CFAP221: variants seen among roughly 807,000 people sequenced by gnomAD.
CFAP221 encodes the protein cilia and flagella associated protein 221.
In CFAP221, 97 loss-of-function variants were observed where a neutral mutation model predicts 113.1. The observed-to-expected ratio is 0.86, with a 90% CI of 0.73 to 1.02. CFAP221 has a LOEUF of 1.02. Among genes scored for constraint, CFAP221 ranks in the 50% least tolerant of loss-of-function variants. CFAP221 has a pLI of 0.00. For missense variants in CFAP221, 1,025 were observed against 1,013.4 expected (o/e 1.01, Z -0.16); for synonymous variants, 331 against 354.4 (o/e 0.93, Z 0.74).
intron 7 of CFAP221, among the ~76,000 whole-genome samples, chr2:119,593,366 T>G (rs547648548): frequency 5.3e-5 from 8 of 152,326 alleles, no homozygotes; most frequent in African/African-American, 1.9e-4. Context: ...GGTAATTTAT[T>G]TTTTAAAAAA....
chr2:119,635,702 A>G (rs1687069986), intron 19 of CFAP221, among the ~76,000 whole-genome samples: 1 of 152,234 alleles, frequency 6.6e-6, no homozygotes, highest in Admixed American at 6.5e-5. Flanking sequence ...TCAGTACAGC[A>G]GTAAAAGTAG....
chr2:119,601,716 A>G (rs1684380905), intron 8 of CFAP221: 2 of 190,872 alleles, frequency 1.0e-5, no homozygotes, highest in African/African-American at 2.3e-5. Flanking sequence ...CCAGAACAAC[A>G]TAACTGTTTT....
Position 119,647,060 on chromosome 2 carries a change from T to C in CFAP221, c.2318+10T>C, listed in dbSNP as rs2104806886. The C allele has an allele frequency of 1.2e-6, 2 of 1,601,034 alleles. No individual in the cohort carries two copies. The highest frequency in any genetic ancestry group is 1.7e-6 in the Non-Finnish European group (2 of 1,174,260). On this transcript the variant is annotated intron_variant, in intron 22 of 23. Transcript: ENST00000413369. ...TAGAAACAGTAGAACGGTATTTTTT[T>C]TTTTTTTAATCTTTGGCCTCTAATG...
intron 7 of CFAP221, among the ~76,000 whole-genome samples, chr2:119,599,680 C>T (rs1684232259): frequency 6.6e-6 from 1 of 152,196 alleles, no homozygotes; most frequent in Non-Finnish European, 1.5e-5. Flanking sequence ...CCCACCTCTC[C>T]TCACAAGGGG....
At chr2:119,553,485 T>C (rs547537933) in intron 3 of CFAP221, among the ~76,000 whole-genome samples, 15 of 152,296 alleles carry the variant, frequency 9.8e-5, no homozygotes, top group Admixed American at 5.2e-4. Context: ...TTGAGGAAGA[T>C]CAACTTAGTG....
chr2:119,651,447 G>A (rs1387089073), intron 22 of CFAP221, among the ~76,000 whole-genome samples: 2 of 150,372 alleles, frequency 1.3e-5, no homozygotes, highest in Non-Finnish European at 2.9e-5. Context: ...TAGAGAAAAA[G>A]TTTACTGACC....
chr2:119,640,808 G>A (rs879827903), intron 21 of CFAP221, among the ~76,000 whole-genome samples: 3 of 152,152 alleles, frequency 2.0e-5, no homozygotes, highest in Non-Finnish European at 2.9e-5. Context: ...TGGATCCTCT[G>A]ACTCAGAAAC....
intron 4 of CFAP221, 44 bp from the exon 5 acceptor site, chr2:119,559,884 T>C (rs1406574289): frequency 6.7e-7 from 1 of 1,499,554 alleles, no homozygotes; most frequent in East Asian, 2.5e-5. Flanking sequence ...CTGCTCTCTG[T>C]GCAGTCCGGG....
At chr2:119,592,152 TG>T (rs1186953983) in intron 7 of CFAP221, among the ~76,000 whole-genome samples, 7 of 152,068 alleles carry the variant, frequency 4.6e-5, no homozygotes, top group Non-Finnish European at 1.5e-5. Flanking sequence ...AGAGGGAGGC[TG>T]GAGGCATACG....
At chr2:119,578,746 C>T (rs924146081) in intron 6 of CFAP221, among the ~76,000 whole-genome samples, 4 of 152,144 alleles carry the variant, frequency 2.6e-5, no homozygotes, top group African/African-American at 4.8e-5. Context: ...ATTTGTCATG[C>T]TTGTTGTCAG....
At chr2:119,659,840 G>A (rs906261110), downstream of CFAP221, among the ~76,000 whole-genome samples, 1 of 152,302 alleles carries the variant, frequency 6.6e-6, no homozygotes, top group Admixed American at 6.5e-5. Context: ...TGACCTCTGA[G>A]GCAAGGCCTA....
intron 23 of CFAP221, among the ~76,000 whole-genome samples, chr2:119,653,443 A>C (rs1206307456): frequency 6.6e-6 from 1 of 152,204 alleles, no homozygotes; most frequent in Non-Finnish European, 1.5e-5. Flanking sequence ...CATATTATAC[A>C]TATTGTTTTA....
Position 119,562,062 on chromosome 2 carries a change from T to C in CFAP221, c.475T>C (p.Ser159Pro), listed in dbSNP as rs1249889103. ...VPIHAYPVMN[S>P]LDFPSFINLS... ...TATTCATGCCTATCCAGTCATGAAC[T>C]CACTAGACTTTCCTTCATTTATAAA... is the stretch of plus-strand genomic sequence containing the variant. Residue 159 changes from serine to proline, a missense_variant, in exon 6 of 24, where the codon TCA becomes CCA. Ser to Pro is a moderately conservative substitution (Grantham distance 74, BLOSUM62 -1). Transcript: ENST00000413369. The C allele has an allele frequency of 2.1e-5, 32 of 1,535,274 alleles. No individual in the cohort carries two copies. The highest frequency in any genetic ancestry group is 1.8e-5 in the Non-Finnish European group (21 of 1,146,630).
chr2:119,581,732 G>A (rs1004609906), intron 6 of CFAP221, among the ~76,000 whole-genome samples: 5 of 152,122 alleles, frequency 3.3e-5, no homozygotes, highest in African/African-American at 1.2e-4. Flanking sequence ...ATATCTAGCA[G>A]GATAAAGATA....
At chr2:119,571,987 G>A (rs1012158634) in intron 6 of CFAP221, among the ~76,000 whole-genome samples, 1 of 143,018 alleles carries the variant, frequency 7.0e-6, no homozygotes, top group Non-Finnish European at 1.5e-5. Context: ...CCCTTACTTT[G>A]GGGCTGCTTT....
At chr2:119,551,015 T>C (rs886725707) in intron 3 of CFAP221, among the ~76,000 whole-genome samples, 4 of 152,262 alleles carry the variant, frequency 2.6e-5, no homozygotes, top group Non-Finnish European at 5.9e-5. Flanking sequence ...ACCAGGTCTC[T>C]TGTGACTGAC....
intron 23 of CFAP221, among the ~76,000 whole-genome samples, chr2:119,654,055 T>A (rs894465080): frequency 6.6e-6 from 1 of 152,166 alleles, no homozygotes; most frequent in Non-Finnish European, 1.5e-5. Context: ...CAGTTTGTCG[T>A]CTACTTTGTT....
chr2:119,657,896 T>A (rs1558680198), downstream of CFAP221, among the ~76,000 whole-genome samples: 2 of 152,234 alleles, frequency 1.3e-5, no homozygotes, highest in South Asian at 2.1e-4. Context: ...TCTTGGTGCA[T>A]CTTATCAAGG....
At chr2:119,638,506 A>G in intron 20 of CFAP221, 89 bp downstream of exon 20, 1 of 1,511,904 alleles carries the variant, frequency 6.6e-7, no homozygotes, top group Non-Finnish European at 9.1e-7. Flanking sequence ...TGGAATTGCG[A>G]CAAAGGTTTG....
Sources: allele counts gnomAD v4.1 joint callset (sites outside exome capture counted in the v4.1 genomes callset), GRCh38; gene constraint gnomAD v4.1.1; transcripts MANE v1.5; gene names NCBI Gene and HGNC (gene_info 2026-07-23, HGNC 2026-07-21).